KAZN: variants seen among roughly 807,000 people sequenced by gnomAD.
The protein encoded by KAZN is kazrin.
KAZN carries 40 observed loss-of-function variants against 87.4 expected under a neutral mutation model. That is an observed-to-expected ratio of 0.46 (90% CI 0.36 to 0.60). The LOEUF (loss-of-function observed/expected upper bound fraction) is 0.60, where lower values mean the gene tolerates loss of function less well. Ranked by LOEUF, KAZN falls within the 20% of genes least tolerant of loss-of-function variation. KAZN has a pLI of 0.00. For synonymous variants in KAZN, 466 were observed against 458.3 expected, an observed-to-expected ratio of 1.02 and a Z score of -0.22; for missense variants, 898 against 1,073.9, an observed-to-expected ratio of 0.84 and a Z score of 2.29.
At chr1:14,390,171 G>A (rs141102988) in intron 2 of KAZN, among the ~76,000 whole-genome samples, 261 of 152,164 alleles carry the variant, frequency 1.7e-3, no homozygotes, top group African/African-American at 6.0e-3. Context: ...TTTTAATTGC[G>A]ATTAATCATG....
chr1:14,783,740 T>C (rs79726858), intron 1 of KAZN, among the ~76,000 whole-genome samples: 2,236 of 151,954 alleles, frequency 0.015, 64 homozygotes, highest in African/African-American at 0.05. Flanking sequence ...GAGGAGTAGG[T>C]GTTTTCTGGT....
chr1:14,685,092 G>A lies in KAZN; in HGVS notation c.226+85869G>A, dbSNP rs368165962. On this transcript the variant is annotated intron_variant, in intron 1 of 14. Transcript: ENST00000376030. ...CACCAGAAGCAAATTCTGAGACAAG[G>A]ATTCAAGAACAAATAGTTTATCTGA... Among the ~76,000 whole-genome samples the A allele has an allele frequency of 2.4e-3, 368 of 152,280 alleles. 1 individual carries two copies. Among genetic ancestry groups the A allele is most frequent in the African/African-American group, 8.5e-3 (354 of 41,564 alleles).
At chr1:14,382,719 T>C (rs1335306204) in intron 2 of KAZN, among the ~76,000 whole-genome samples, 1 of 147,746 alleles carries the variant, frequency 6.8e-6, no homozygotes, top group African/African-American at 2.5e-5. Context: ...AGTCTATCGT[T>C]GTTGGACATT....
intron 2 of KAZN, among the ~76,000 whole-genome samples, chr1:14,245,085 C>G (rs557766523): frequency 2.0e-5 from 3 of 152,118 alleles, no homozygotes; most frequent in Non-Finnish European, 2.9e-5. Flanking sequence ...CTCAGCCTCC[C>G]GAGTAGCTGA....
chr1:14,817,224 T>A (rs1279947546), intron 1 of KAZN, among the ~76,000 whole-genome samples: 1 of 152,180 alleles, frequency 6.6e-6, no homozygotes, highest in Admixed American at 6.5e-5. Flanking sequence ...GCAGCATATA[T>A]CTTGGCGACC....
intron 1 of KAZN, among the ~76,000 whole-genome samples, chr1:14,674,755 G>A (rs1471981987): frequency 6.6e-6 from 1 of 152,130 alleles, no homozygotes; most frequent in Non-Finnish European, 1.5e-5. Context: ...ATCTCCAGAT[G>A]TGCCCAATGC....
At chr1:14,946,389 G>C (rs938089713) in intron 1 of KAZN, among the ~76,000 whole-genome samples, 2 of 148,876 alleles carry the variant, frequency 1.3e-5, no homozygotes, top group Admixed American at 6.8e-5. Context: ...CCAGGCTGGA[G>C]TGCAGTGGCA....
intron 1 of KAZN, among the ~76,000 whole-genome samples, chr1:14,643,421 A>G (rs1050266250): frequency 4.6e-5 from 7 of 152,270 alleles, no homozygotes; most frequent in South Asian, 2.1e-4. Flanking sequence ...AACATGTGGT[A>G]TTCAGTTTCC....
At chr1:14,771,747 A>T (rs1572440334) in intron 1 of KAZN, among the ~76,000 whole-genome samples, 1 of 151,852 alleles carries the variant, frequency 6.6e-6, no homozygotes, top group South Asian at 2.1e-4. Flanking sequence ...AATTGCTTGA[A>T]CCCGGGAGGC....
intron 13 of KAZN, chr1:15,111,786 T>C (rs9659000): frequency 0.31 from 47,102 of 153,014 alleles, 7,285 homozygotes; most frequent in Middle Eastern, 0.35. Context: ...ACAGCAGCCA[T>C]AGACAACACA....
rs192228838 is a variant in KAZN at position 14,008,900 on chromosome 1, C to A, written c.91+115144C>A. 2.3e-4 allele frequency among the ~76,000 whole-genome samples: 35 copies of A among 152,304 alleles called. No homozygotes were observed. In the East Asian group the frequency reaches 5.2e-3, roughly 23 times the overall value. ...ACATTGTGCAACCATCACCACCATC[C>A]AGCTCCATAGCTCTTTTCATCTTGT... On this transcript the variant is annotated intron_variant, in intron 1 of 16. Coordinates refer to the KAZN transcript ENST00000636203.
intron 2 of KAZN, among the ~76,000 whole-genome samples, chr1:14,402,863 T>C (rs1047491170): frequency 6.6e-6 from 1 of 152,084 alleles, no homozygotes; most frequent in African/African-American, 2.4e-5. Context: ...AGTCTCACTC[T>C]GTTTCCTAGG....
chr1:14,944,073 C>CA (rs529457188), intron 1 of KAZN, among the ~76,000 whole-genome samples: 105 of 148,732 alleles, frequency 7.1e-4, no homozygotes, highest in South Asian at 1.7e-3. Context: ...GACTCTGTCT[C>CA]AAAAAAAAAC....
intron 2 of KAZN, among the ~76,000 whole-genome samples, chr1:14,591,762 G>T (rs1676216712): frequency 6.6e-6 from 1 of 152,152 alleles, no homozygotes; most frequent in South Asian, 2.1e-4. Flanking sequence ...TAATAACTCT[G>T]CTGTGTGTCC....
chr1:15,071,155 A>G (rs920058049), intron 8 of KAZN, among the ~76,000 whole-genome samples: 1 of 152,258 alleles, frequency 6.6e-6, no homozygotes, highest in Non-Finnish European at 1.5e-5. Context: ...TTTAAATATC[A>G]AAGTTATGGC....
chr1:14,483,153 A>T (rs1485448336), intron 2 of KAZN, among the ~76,000 whole-genome samples: 2 of 152,128 alleles, frequency 1.3e-5, no homozygotes, highest in African/African-American at 4.8e-5. Flanking sequence ...ATCCCTCAGG[A>T]TCTCAAATCT....
chr1:14,870,140 G>A (rs936792570), intron 1 of KAZN, among the ~76,000 whole-genome samples: 8 of 152,118 alleles, frequency 5.3e-5, no homozygotes, highest in Admixed American at 3.9e-4. Flanking sequence ...ACCTTCAGAC[G>A]ACTGCTGGGG....
At chr1:14,565,303 C>T (rs1674489251) in intron 2 of KAZN, among the ~76,000 whole-genome samples, 1 of 152,140 alleles carries the variant, frequency 6.6e-6, no homozygotes, top group African/African-American at 2.4e-5. Flanking sequence ...TTTCCCAGTG[C>T]ATATAAAAGT....
At chr1:14,343,464 C>A (rs1038820589) in intron 2 of KAZN, among the ~76,000 whole-genome samples, 3 of 152,124 alleles carry the variant, frequency 2.0e-5, no homozygotes, top group Non-Finnish European at 2.9e-5. Flanking sequence ...GGAAGGTCAG[C>A]CAACGCAGAT....
Sources: allele counts gnomAD v4.1 joint callset (sites outside exome capture counted in the v4.1 genomes callset), GRCh38; gene constraint gnomAD v4.1.1; transcripts MANE v1.5; gene names NCBI Gene and HGNC (gene_info 2026-07-23, HGNC 2026-07-21).